Variants in CD163L1 observed in about 807,000 individuals in gnomAD.
CD163L1 encodes the protein CD163 molecule like 1, also known as scavenger receptor cysteine-rich type 1 protein M160.
CD163L1 carries 124 observed loss-of-function variants against 165.4 expected under a neutral mutation model. The observed-to-expected ratio is 0.75, with a 90% CI of 0.65 to 0.87. The LOEUF (loss-of-function observed/expected upper bound fraction) is 0.87, where lower values mean the gene tolerates loss of function less well. Ranked by LOEUF, CD163L1 falls within the 40% of genes least tolerant of loss-of-function variation. CD163L1 has a pLI of 0.00. For synonymous variants in CD163L1, 585 were observed against 662.2 expected, an observed-to-expected ratio of 0.88 and a Z score of 1.79; for missense variants, 1,525 against 1,799.9, an observed-to-expected ratio of 0.85 and a Z score of 2.76.
At chr12:7,435,713 G>A (rs747331765) in intron 2 of CD163L1, among the ~76,000 whole-genome samples, 5 of 152,086 alleles carry the variant, frequency 3.3e-5, no homozygotes, top group African/African-American at 4.8e-5. Context: ...CCTATAGACC[G>A]TAGTAAACTC....
downstream of CD163L1, among the ~76,000 whole-genome samples, chr12:7,342,305 A>C (rs1368263334): frequency 6.6e-6 from 1 of 152,222 alleles, no homozygotes; most frequent in Non-Finnish European, 1.5e-5. Flanking sequence ...CACAAACAAT[A>C]GCATGAACAT....
chr12:7,423,823 TGAG>T (rs1189327271), intron 4 of CD163L1, among the ~76,000 whole-genome samples: 2 of 151,954 alleles, frequency 1.3e-5, no homozygotes, highest in Admixed American at 6.6e-5. Context: ...GTTCTGAAAA[TGAG>T]GCCCTAATTA....
At chr12:7,440,793 A>T (rs1320833357) in intron 2 of CD163L1, among the ~76,000 whole-genome samples, 2 of 151,750 alleles carry the variant, frequency 1.3e-5, no homozygotes, top group Admixed American at 1.3e-4. Context: ...CACCCGGCTA[A>T]TTTTTGTATT....
chr12:7,346,135 A>G (rs1282696717), downstream of CD163L1, among the ~76,000 whole-genome samples: 1 of 150,214 alleles, frequency 6.7e-6, no homozygotes, highest in Non-Finnish European at 1.5e-5. Flanking sequence ...AAGATATTCA[A>G]TATAGCCATG....
chr12:7,328,143 G>T, the CD163L1 span: 1 of 555,302 alleles, frequency 1.8e-6, no homozygotes, highest in African/African-American at 2.0e-5. Context: ...AGACGTTTCT[G>T]GTGTCCATGA....
At chr12:7,335,547 C>T in the CD163L1 span, among the ~76,000 whole-genome samples, 2 of 151,654 alleles carry the variant, frequency 1.3e-5, no homozygotes, top group South Asian at 2.1e-4. Flanking sequence ...ACCATAAAAA[C>T]CTAAACCCTA....
In CD163L1 at chr12:7,433,696, T is replaced by G. The variant is rs781222529; in HGVS notation, c.125-2A>C. 5.0e-6 allele frequency: 8 copies of G among 1,600,830 alleles called. No individual in the cohort carries two copies. The highest frequency in any genetic ancestry group is 3.4e-5 in the Admixed American group (2 of 58,710). ...GCCTCAACTCCAAATCTGTTCCATCTGCAAGAAAGACAGAAACATACATTA... is the reference window on the plus strand; with the variant it reads ...GCCTCAACTCCAAATCTGTTCCATCGGCAAGAAAGACAGAAACATACATTA... On this transcript the variant is annotated splice_acceptor_variant, in intron 2 of 19. Transcript: ENST00000313599. LOFTEE classifies it high-confidence loss of function.
chr12:7,318,796 A>G, the CD163L1 span, among the ~76,000 whole-genome samples: 1 of 152,204 alleles, frequency 6.6e-6, no homozygotes, highest in Non-Finnish European at 1.5e-5. Context: ...AAATTTATTA[A>G]GTTTAACAAA....
the CD163L1 span, among the ~76,000 whole-genome samples, chr12:7,338,630 G>C: frequency 6.6e-6 from 1 of 152,250 alleles, no homozygotes; most frequent in South Asian, 2.1e-4. Flanking sequence ...TATCTGTCTA[G>C]TAACCTACCT....
At chr12:7,380,389 A>ACGCG (rs1565784362) in intron 8 of CD163L1, among the ~76,000 whole-genome samples, 1,467 of 141,028 alleles carry the variant, frequency 0.01, 34 homozygotes, top group Non-Finnish European at 0.016. Context: ...ATGTGTGTAT[A>ACGCG]TGCGTATACA....
the CD163L1 span, among the ~76,000 whole-genome samples, chr12:7,334,716 T>A: frequency 6.6e-6 from 1 of 152,168 alleles, no homozygotes; most frequent in African/African-American, 2.4e-5. Flanking sequence ...TGTTTGCAGA[T>A]GACATGATTG....
chr12:7,390,743 G>A (rs1331380171), intron 8 of CD163L1, among the ~76,000 whole-genome samples: 1 of 152,116 alleles, frequency 6.6e-6, no homozygotes, highest in Non-Finnish European at 1.5e-5. Flanking sequence ...ATTCATCTTA[G>A]AAAAGAATGT....
intron 8 of CD163L1, among the ~76,000 whole-genome samples, chr12:7,392,216 C>T (rs1349004571): frequency 1.3e-5 from 2 of 152,084 alleles, no homozygotes; most frequent in Non-Finnish European, 2.9e-5. Context: ...GAAATCACAA[C>T]AAACAGTCTC....
At position 7,374,787 on chromosome 12, in the gene CD163L1, C is replaced by A; in HGVS notation, c.3095-31G>T. 6.2e-7 allele frequency: 1 copy of A among 1,614,052 alleles called. No individual in the cohort carries two copies. ...AGGAGAAAGTCCAGTTAATAGGTCA[C>A]ATTCTTTAGAGTTGCAGTGTTTCCT... is the stretch of plus-strand genomic sequence containing the variant. On this transcript the variant is annotated intron_variant, in intron 12 of 19. Coordinates refer to ENST00000313599, the MANE Select transcript of CD163L1 (RefSeq NM_174941.6). The surrounding 1 kb of genome is among the most constrained non-coding windows in gnomAD (Gnocchi z 5.4).
At chr12:7,391,164 T>C (rs945683976) in intron 8 of CD163L1, among the ~76,000 whole-genome samples, 3 of 152,054 alleles carry the variant, frequency 2.0e-5, no homozygotes, top group Non-Finnish European at 1.5e-5. Flanking sequence ...CAGAAAGGAA[T>C]AGTATCAACA....
chr12:7,432,697 T>C lies in CD163L1; in HGVS notation c.485A>G (p.Asn162Ser), dbSNP rs371167342. The change falls in exon 4 of 20, where the codon AAC becomes AGC. Residue 162 changes from asparagine to serine, a missense_variant. Physicochemically the swap from Asn to Ser is conservative, Grantham distance 46. Coordinates refer to ENST00000313599, the MANE Select transcript of CD163L1 (RefSeq NM_174941.6). This position sits in a 1 kb window ranked among gnomAD's most constrained non-coding sequence, Gnocchi z 4.2. ...CACCTCCACTCTCCCTGAACAGGAG[T>C]TGTTTCCATCCACTAGCCTCAAACC... ...NLGLRLVDGNNSCSGRVEVKF... is the reference protein window; with the variant it reads ...NLGLRLVDGNSSCSGRVEVKF... The C allele has an allele frequency of 4.9e-5, 79 of 1,612,782 alleles. No homozygotes were observed. Among genetic ancestry groups the C allele is most frequent in the Non-Finnish European group, 6.2e-5 (73 of 1,179,392 alleles).
chr12:7,440,311 G>C (rs1010776251), intron 2 of CD163L1, among the ~76,000 whole-genome samples: 2 of 151,468 alleles, frequency 1.3e-5, no homozygotes, highest in Non-Finnish European at 3.0e-5. Context: ...GCCGCGCCCG[G>C]GCAGGGACCT....
At chr12:7,416,134 G>A (rs888898922) in intron 4 of CD163L1, among the ~76,000 whole-genome samples, 5 of 152,154 alleles carry the variant, frequency 3.3e-5, no homozygotes, top group Non-Finnish European at 7.3e-5. Flanking sequence ...AGCGTGAAAT[G>A]TATCTCATTG....
At position 7,368,859 on chromosome 12, in the gene CD163L1, C is replaced by T. The variant is rs1171603041; in HGVS notation, c.4072+74G>A. The stretch of plus-strand genomic sequence containing the variant: ...CCCCAGTCTTCTTTGATTATCATAG[C>T]AGTTTCTGCCCTCCCTTGACCTTCC... On this transcript the variant is annotated intron_variant, in intron 16 of 19. Transcript: ENST00000313599. This position sits in a 1 kb window ranked among gnomAD's most constrained non-coding sequence, Gnocchi z 4.3. 26 of 1,502,970 alleles carry T rather than the reference C, an allele frequency of 1.7e-5. No homozygotes were observed. Among genetic ancestry groups the T allele is most frequent in the Non-Finnish European group, 2.4e-5 (26 of 1,080,780 alleles). The allele number at this position is 1,502,970 out of a possible 1,614,324, so 93.1% of individuals were successfully genotyped here.
Sources: gnomAD v4.1 joint callset for allele counts (sites outside exome capture counted in the v4.1 genomes callset) on GRCh38, gnomAD v4.1.1 for gene constraint, Gnocchi (gnomAD v3.1) non-coding constraint, MANE v1.5 for transcripts, NCBI Gene and HGNC (gene_info 2026-07-23, HGNC 2026-07-21) for gene names.